PLCB1: variants seen among roughly 807,000 people sequenced by gnomAD.
The protein encoded by PLCB1 is 1-phosphatidylinositol 4,5-bisphosphate phosphodiesterase beta-1.
A neutral mutation model predicts 161.8 loss-of-function variants in PLCB1; 46 were observed. The ratio of observed to expected loss-of-function variants is 0.28; its 90% CI spans 0.22 to 0.36. The LOEUF (loss-of-function observed/expected upper bound fraction) is 0.36, where lower values mean the gene tolerates loss of function less well. Ranked by LOEUF, PLCB1 falls within the 10% of genes least tolerant of loss-of-function variation. The pLI, the probability that PLCB1 is intolerant of heterozygous loss-of-function variation, is 1.00. For missense variants in PLCB1, 1,016 were observed against 1,472.5 expected (o/e 0.69, Z 5.07); for synonymous variants, 517 against 503.7 (o/e 1.03, Z -0.35).
chr20:8,815,869 C>T (rs1985065481), intron 31 of PLCB1, among the ~76,000 whole-genome samples: 1 of 152,116 alleles, frequency 6.6e-6, no homozygotes, highest in Non-Finnish European at 1.5e-5. Context: ...TAATATCTAT[C>T]TGTCTATCTA....
rs73897334 is a variant in PLCB1, at chr20:8,219,385, C to A, written c.177+69014C>A. 6.6e-3 allele frequency among the ~76,000 whole-genome samples: 1,009 copies of A among 152,268 alleles called. 18 individuals are homozygous for A. Among genetic ancestry groups the A allele is most frequent in the African/African-American group, 0.023 (947 of 41,572 alleles). ...ATGTTGGGACTGCTGTGGGTGAGAA[C>A]TTCTGCTACAAGCAAAGGCCCTGGG... On this transcript the variant is annotated intron_variant, in intron 2 of 31. Transcript: ENST00000338037.
At position 8,840,173 on chromosome 20, in the gene PLCB1, C is replaced by G. The variant is rs1433529870; in HGVS notation, c.3424-41449C>G. Among the ~76,000 whole-genome samples the G allele has an allele frequency of 5.3e-5, 8 of 152,226 alleles. No homozygotes were observed. The South Asian group carries it at 1.7e-3, about 32-fold the overall frequency. Reference sequence around the variant, plus strand: ...GAATTCTTCTCTGACATTCACAGGGCCCCTAAGTACTGCTTCACAGACTGA... The same window carrying G: ...GAATTCTTCTCTGACATTCACAGGGGCCCTAAGTACTGCTTCACAGACTGA... On this transcript the variant is annotated intron_variant, in intron 31 of 31. Coordinates refer to ENST00000338037, the MANE Select transcript of PLCB1 (RefSeq NM_015192.4).
intron 2 of PLCB1, among the ~76,000 whole-genome samples, chr20:8,315,899 T>A (rs1307771190): frequency 1.3e-5 from 2 of 152,216 alleles, no homozygotes; most frequent in Non-Finnish European, 2.9e-5. Flanking sequence ...CTCATGGATT[T>A]CAGAGAAAGC....
intron 3 of PLCB1, among the ~76,000 whole-genome samples, chr20:8,513,010 T>C (rs1210555620): frequency 2.0e-5 from 3 of 152,188 alleles, no homozygotes; most frequent in Non-Finnish European, 4.4e-5. Context: ...AGTTCGAATT[T>C]TTAGATTCCA....
intron 31 of PLCB1, among the ~76,000 whole-genome samples, chr20:8,811,411 A>G (rs571296889): frequency 2.6e-5 from 4 of 152,354 alleles, no homozygotes; most frequent in East Asian, 1.9e-4. Flanking sequence ...CTAGTTTATC[A>G]TGAAACACTA....
intron 3 of PLCB1, among the ~76,000 whole-genome samples, chr20:8,597,009 CA>C (rs2123127143): frequency 6.7e-6 from 1 of 149,640 alleles, no homozygotes; most frequent in Non-Finnish European, 1.5e-5. Flanking sequence ...TGGGCTGAGA[CA>C]ATGGGGTTTT....
chr20:8,683,979 G>A (rs1313401228), intron 9 of PLCB1, among the ~76,000 whole-genome samples: 2 of 151,660 alleles, frequency 1.3e-5, no homozygotes, highest in Non-Finnish European at 2.9e-5. Flanking sequence ...CACCTCCTGG[G>A]TTCAAACAAT....
In PLCB1 at chr20:8,651,475, T is replaced by C. The variant is rs377495603; in HGVS notation, c.594+2026T>C. The C allele has an allele frequency of 3.6e-5, 26 of 725,864 alleles. No homozygotes were observed. In the African/African-American group the frequency reaches 4.3e-4, roughly 12 times the overall value. The allele number at this position is 725,864 out of a possible 1,614,324, so 45.0% of individuals were successfully genotyped here. A position where few individuals can be genotyped will look rare whatever the true frequency, so the allele number is the denominator to read the frequency against. ...GCTGTGGAAAGGCTCCCCCAAAACA[T>C]TTTCACCTTCATTTTATAAAGCAAA... is the stretch of plus-strand genomic sequence containing the variant. On this transcript the variant is annotated intron_variant, in intron 7 of 31. Coordinates refer to ENST00000338037, the MANE Select transcript of PLCB1 (RefSeq NM_015192.4).
At chr20:8,190,083 T>A (rs1482886908) in intron 2 of PLCB1, among the ~76,000 whole-genome samples, 2 of 152,092 alleles carry the variant, frequency 1.3e-5, no homozygotes, top group Non-Finnish European at 2.9e-5. Flanking sequence ...ATATGAGAAA[T>A]ATAGCTTCCA....
intron 3 of PLCB1, among the ~76,000 whole-genome samples, chr20:8,547,082 ATTC>A (rs1985579915): frequency 6.6e-6 from 1 of 152,170 alleles, no homozygotes; most frequent in Non-Finnish European, 1.5e-5. Context: ...AATAACAGGA[ATTC>A]TTCTCTGAAG....
At chr20:8,586,262 A>T (rs966138302) in intron 3 of PLCB1, among the ~76,000 whole-genome samples, 3 of 152,194 alleles carry the variant, frequency 2.0e-5, no homozygotes, top group African/African-American at 7.2e-5. Flanking sequence ...TGGTTGACTT[A>T]TTCCTGTCAC....
chr20:8,423,808 T>G lies in PLCB1; in HGVS notation c.246+52358T>G, dbSNP rs537498709. Among the ~76,000 whole-genome samples the G allele has an allele frequency of 3.1e-3, 477 of 152,318 alleles. 1 individual carries two copies. The highest frequency in any genetic ancestry group is 0.016 in the South Asian group (79 of 4,830). ...GGCAGATGCTCTATTTCCATTAATC[T>G]CTGCACCTGGCTTCAAATTTCATGA... On this transcript the variant is annotated intron_variant, in intron 3 of 31. Transcript: ENST00000338037.
At chr20:8,827,171 GAACTATCCTTAC>G (rs1302187459) in intron 31 of PLCB1, among the ~76,000 whole-genome samples, 1 of 152,130 alleles carries the variant, frequency 6.6e-6, no homozygotes, top group Non-Finnish European at 1.5e-5. Context: ...GAATAGGAGG[GAACTATCCTTAC>G]TAAGTGGTAG....
chr20:8,586,338 T>TA (rs1986989649), intron 3 of PLCB1, among the ~76,000 whole-genome samples: 1 of 145,620 alleles, frequency 6.9e-6, no homozygotes, highest in African/African-American at 2.6e-5. Flanking sequence ...TCTTTTTCTT[T>TA]TTTATTTATT....
chr20:8,195,329 G>T (rs75338296), intron 2 of PLCB1, among the ~76,000 whole-genome samples: 2,799 of 152,062 alleles, frequency 0.018, 62 homozygotes, highest in African/African-American at 0.061. Context: ...AGGGTATTTG[G>T]ATTTGGGGCC....
intron 3 of PLCB1, among the ~76,000 whole-genome samples, chr20:8,400,540 C>A (rs939581706): frequency 6.6e-6 from 1 of 152,112 alleles, no homozygotes; most frequent in Admixed American, 6.6e-5. Context: ...AGTATTTCCC[C>A]TTCTCCATTT....
At chr20:8,707,283 C>T (rs183795313) in intron 11 of PLCB1, among the ~76,000 whole-genome samples, 13 of 151,876 alleles carry the variant, frequency 8.6e-5, no homozygotes, top group Admixed American at 5.9e-4. Flanking sequence ...ATATAAAGAA[C>T]GCTATATATT....
chr20:8,523,494 C>CTATA lies in PLCB1; in HGVS notation c.247-104799_247-104798insATAT, dbSNP rs1419507917. ...TCTCTCTCTCTCTCTCTCTCTCTCT[C>CTATA]TCTATATATATATATATATATATAT... is the stretch of plus-strand genomic sequence containing the variant. On this transcript the variant is annotated intron_variant, in intron 3 of 31. Coordinates refer to ENST00000338037, the MANE Select transcript of PLCB1 (RefSeq NM_015192.4). Among the ~76,000 whole-genome samples, 37 of 49,600 alleles carry CTATA rather than the reference C, an allele frequency of 7.5e-4. 1 individual carries two copies. The highest frequency in any genetic ancestry group is 0.015 in the Middle Eastern group (1 of 66). The allele number at this position is 49,600 out of a possible 152,430, so 32.5% of individuals were successfully genotyped here.
chr20:8,871,330 G>A (rs1261736718), intron 31 of PLCB1, among the ~76,000 whole-genome samples: 2 of 152,232 alleles, frequency 1.3e-5, no homozygotes, highest in Admixed American at 6.5e-5. Flanking sequence ...TCTCCCCAGT[G>A]AATGTCATCT....
Sources: gnomAD v4.1 joint callset for allele counts (sites outside exome capture counted in the v4.1 genomes callset) on GRCh38, gnomAD v4.1.1 for gene constraint, MANE v1.5 for transcripts, NCBI Gene and HGNC (gene_info 2026-07-23, HGNC 2026-07-21) for gene names.